The following IFT46 variants were observed in gnomAD, a reference collection of about 807,000 sequenced individuals.
IFT46 encodes intraflagellar transport 46.
In IFT46, 19 loss-of-function variants were observed where a neutral mutation model predicts 39.6. The observed-to-expected ratio is 0.48, with a 90% CI of 0.33 to 0.70. The LOEUF is 0.70. Ranked by LOEUF, IFT46 falls within the 30% of genes least tolerant of loss-of-function variation. IFT46 has a pLI of 0.01. For synonymous variants in IFT46, 117 were observed against 134.8 expected (o/e 0.87, Z 0.91); for missense variants, 334 against 364.8 (o/e 0.92, Z 0.69).
At chr11:118,547,972 T>C (rs1951732064) in intron 9 of IFT46, among the ~76,000 whole-genome samples, 1 of 148,722 alleles carries the variant, frequency 6.7e-6, no homozygotes, top group Admixed American at 6.7e-5. Flanking sequence ...GGTCTCGATC[T>C]CCTGACTTCG....
chr11:118,573,189 G>T (rs1292668764), upstream of IFT46, among the ~76,000 whole-genome samples: 1 of 152,156 alleles, frequency 6.6e-6, no homozygotes, highest in South Asian at 2.1e-4. Context: ...GTGTGACTCG[G>T]GGTACATACA....
chr11:118,562,890 C>T (rs1555070800), intron 2 of IFT46, among the ~76,000 whole-genome samples: 1 of 152,060 alleles, frequency 6.6e-6, no homozygotes, highest in Non-Finnish European at 1.5e-5. Flanking sequence ...ATGGTGAAAC[C>T]CCGTCTCTAC....
chr11:118,561,400 G>C, intron 2 of IFT46: 1 of 828,096 alleles, frequency 1.2e-6, no homozygotes. Context: ...TGATGGAAGA[G>C]ATGTATAAGA....
chr11:118,574,965 G>T (rs1434428182), upstream of IFT46, among the ~76,000 whole-genome samples: 2 of 151,912 alleles, frequency 1.3e-5, no homozygotes, highest in Non-Finnish European at 2.9e-5. Context: ...ATGAGAACAT[G>T]TTCTGACTTT....
chr11:118,546,316 G>A (rs1334989243), intron 9 of IFT46: 2 of 597,632 alleles, frequency 3.3e-6, no homozygotes, highest in Non-Finnish European at 6.1e-6. Context: ...TGGGCAACAT[G>A]GTGAAATTCC....
At chr11:118,548,092 A>G (rs1951736899) in intron 9 of IFT46, among the ~76,000 whole-genome samples, 1 of 139,492 alleles carries the variant, frequency 7.2e-6, no homozygotes, top group South Asian at 2.2e-4. Context: ...ATTGTTGCCC[A>G]GGCTGGTCCT....
chr11:118,564,791 G>A (rs1465528087), intron 2 of IFT46, among the ~76,000 whole-genome samples, 174 bp downstream of exon 2: 1 of 152,196 alleles, frequency 6.6e-6, no homozygotes, highest in African/African-American at 2.4e-5. Context: ...GGAAGATCCT[G>A]TAATTTGGAA....
upstream of IFT46, among the ~76,000 whole-genome samples, chr11:118,570,526 C>T (rs1260505652): frequency 6.6e-6 from 1 of 152,158 alleles, no homozygotes; most frequent in Non-Finnish European, 1.5e-5. Context: ...TTAAAAGTTG[C>T]TATTATACTT....
chr11:118,559,120 G>A (rs1035706197), intron 3 of IFT46, among the ~76,000 whole-genome samples: 3 of 151,716 alleles, frequency 2.0e-5, no homozygotes, highest in Non-Finnish European at 2.9e-5. Flanking sequence ...CGCCCGCCTC[G>A]GCCTCCCAAA....
At chr11:118,549,013 C>T (rs2135480593) in intron 9 of IFT46, among the ~76,000 whole-genome samples, 1 of 151,970 alleles carries the variant, frequency 6.6e-6, no homozygotes, top group South Asian at 2.1e-4. Flanking sequence ...TCTCCTGCCT[C>T]AGCCTCCTGA....
intron 5 of IFT46, 79 bp downstream of exon 5, chr11:118,555,169 C>T (rs1937787680): frequency 4.6e-6 from 7 of 1,534,376 alleles, no homozygotes; most frequent in East Asian, 4.5e-5. Context: ...AGGGGAATGG[C>T]CCTGTTTCAG....
At chr11:118,548,789 C>A (rs186615542) in intron 9 of IFT46, among the ~76,000 whole-genome samples, 288 of 151,564 alleles carry the variant, frequency 1.9e-3, no homozygotes, top group Non-Finnish European at 3.1e-3. Flanking sequence ...CTGCACCTGG[C>A]CTTTTTTTTT....
chr11:118,558,675 G>C (rs933520899), intron 3 of IFT46, among the ~76,000 whole-genome samples: 3 of 151,648 alleles, frequency 2.0e-5, no homozygotes, highest in African/African-American at 7.3e-5. Context: ...CAGCACTTTG[G>C]AAGGCCAAGG....
At chr11:118,559,223 T>C (rs1565349804) in intron 3 of IFT46, among the ~76,000 whole-genome samples, 1 of 152,088 alleles carries the variant, frequency 6.6e-6, no homozygotes, top group Non-Finnish European at 1.5e-5. Context: ...TATATGTTTC[T>C]AGAGAGGTGG....
chr11:118,571,640 T>G (rs1591376261), intron 1 of IFT46, among the ~76,000 whole-genome samples: 1 of 152,258 alleles, frequency 6.6e-6, no homozygotes. Context: ...TCAACATTTC[T>G]TAATGTGCAT....
chr11:118,573,579 A>G (rs1938408529), upstream of IFT46: 4 of 653,946 alleles, frequency 6.1e-6, no homozygotes, highest in Non-Finnish European at 1.1e-5. Flanking sequence ...AGTCTTTTGA[A>G]GGATGTTCTG....
chr11:118,555,137 A>T, intron 5 of IFT46, 54 bp from the exon 6 acceptor site: 1 of 1,543,964 alleles, frequency 6.5e-7, no homozygotes, highest in Non-Finnish European at 9.0e-7. Context: ...TTACTTTACT[A>T]TTCAGGCTAA....
chr11:118,564,816 C>T (rs1417957399), intron 2 of IFT46, 149 bp downstream of exon 2: 1 of 152,254 alleles, frequency 6.6e-6, no homozygotes, highest in Non-Finnish European at 1.5e-5. Context: ...ATGATTTCTC[C>T]CCCTTAACTA....
At chr11:118,559,675 A>C in intron 3 of IFT46, 110 bp downstream of exon 3, 4 of 845,732 alleles carry the variant, frequency 4.7e-6, no homozygotes, top group Non-Finnish European at 8.1e-6. Flanking sequence ...AAAGGTCCCT[A>C]ACCCCTGGAG....
Sources: allele counts gnomAD v4.1 joint callset (sites outside exome capture counted in the v4.1 genomes callset), GRCh38; gene constraint gnomAD v4.1.1; transcripts MANE v1.5; gene names NCBI Gene and HGNC (gene_info 2026-07-23, HGNC 2026-07-21).